Variants in CDH18 observed in about 807,000 individuals in gnomAD.
The protein encoded by CDH18 is cadherin-18.
In CDH18, 31 loss-of-function variants were observed where a neutral mutation model predicts 67.9. That is an observed-to-expected ratio of 0.46 (90% CI 0.34 to 0.62). The LOEUF is 0.62. Ranked by LOEUF, CDH18 falls within the 20% of genes least tolerant of loss-of-function variation. The pLI, the probability that CDH18 is intolerant of heterozygous loss-of-function variation, is 0.01. For missense variants in CDH18, 890 were observed against 975.5 expected (o/e 0.91, Z 1.17); for synonymous variants, 362 against 347.2 (o/e 1.04, Z -0.48).
At chr5:20,290,643 C>T (rs745860858) in intron 1 of CDH18, among the ~76,000 whole-genome samples, 5 of 152,062 alleles carry the variant, frequency 3.3e-5, no homozygotes, top group East Asian at 3.9e-4. Flanking sequence ...TCTGGTTGTA[C>T]GATATGATCC....
chr5:19,999,688 T>A (rs886606339), intron 2 of CDH18, among the ~76,000 whole-genome samples: 1 of 152,192 alleles, frequency 6.6e-6, no homozygotes, highest in Non-Finnish European at 1.5e-5. Flanking sequence ...CAGGACTAGC[T>A]ACATAATTGG....
Position 20,218,317 on chromosome 5 carries a change from C to T in CDH18, c.-518+37127G>A, listed in dbSNP as rs988510254. ...AAAATATTGAAATAATTTCAACTAT[C>T]TTCTTTCTCCACAATAGAATATAAC... On this transcript the variant is annotated intron_variant, in intron 2 of 14. Transcript: ENST00000507958. 1.1e-4 allele frequency among the ~76,000 whole-genome samples: 17 copies of T among 152,044 alleles called. No homozygotes were observed. The East Asian group carries it at 2.9e-3, about 26-fold the overall frequency.
intron 1 of CDH18, among the ~76,000 whole-genome samples, chr5:20,342,390 C>G (rs899263647): frequency 1.3e-5 from 2 of 152,130 alleles, no homozygotes; most frequent in Non-Finnish European, 2.9e-5. Context: ...AGGAGATAAA[C>G]CCTGTGCTCC....
intron 1 of CDH18, among the ~76,000 whole-genome samples, chr5:20,306,610 T>G (rs145791740): frequency 0.011 from 1,668 of 152,336 alleles, 14 homozygotes; most frequent in Non-Finnish European, 0.018. Context: ...AGCATTTTAT[T>G]AAATCAAATG....
At chr5:20,076,964 C>A (rs895068520) in intron 2 of CDH18, among the ~76,000 whole-genome samples, 4 of 152,130 alleles carry the variant, frequency 2.6e-5, no homozygotes, top group Non-Finnish European at 5.9e-5. Flanking sequence ...TTGTAAAAAT[C>A]AATTCCTCTG....
chr5:20,217,096 T>C (rs1339603923), intron 2 of CDH18, among the ~76,000 whole-genome samples: 1 of 151,786 alleles, frequency 6.6e-6, no homozygotes, highest in Non-Finnish European at 1.5e-5. Context: ...CAAACAAAGC[T>C]GAGGGATTTC....
intron 3 of CDH18, among the ~76,000 whole-genome samples, chr5:19,817,002 T>C (rs539338114): frequency 1.0e-3 from 152 of 151,902 alleles, no homozygotes; most frequent in Non-Finnish European, 1.2e-3. Context: ...GCACCTATTA[T>C]GTAAAGAATT....
intron 4 of CDH18, among the ~76,000 whole-genome samples, chr5:19,737,158 T>C (rs1352586736): frequency 3.3e-5 from 5 of 152,158 alleles, no homozygotes; most frequent in African/African-American, 9.7e-5. Context: ...TTTTTTTCTA[T>C]ATCCAATTGC....
chr5:20,342,345 A>T (rs1398110086), intron 1 of CDH18, among the ~76,000 whole-genome samples: 7 of 152,056 alleles, frequency 4.6e-5, no homozygotes, highest in African/African-American at 1.7e-4. Flanking sequence ...CCCCTACCTG[A>T]CCCATGCTGC....
At chr5:19,550,698 G>A (rs140627394) in intron 8 of CDH18, among the ~76,000 whole-genome samples, 3,860 of 130,526 alleles carry the variant, frequency 0.03, 123 homozygotes, top group East Asian at 0.11. Flanking sequence ...AGTCTTTGCT[G>A]TTGTGAATAG....
chr5:19,792,085 A>G (rs115988758), intron 3 of CDH18, among the ~76,000 whole-genome samples: 159 of 152,316 alleles, frequency 1.0e-3, no homozygotes, highest in African/African-American at 3.8e-3. Context: ...CAACTTGACT[A>G]GTCTAAGGAA....
intron 1 of CDH18, among the ~76,000 whole-genome samples, chr5:20,555,059 A>G (rs948677382): frequency 2.6e-5 from 4 of 152,108 alleles, no homozygotes; most frequent in African/African-American, 7.2e-5. Context: ...CGTAACCCCC[A>G]GTGTTTTGGC....
chr5:19,562,608 A>G (rs1739656422), intron 8 of CDH18, among the ~76,000 whole-genome samples: 1 of 151,706 alleles, frequency 6.6e-6, no homozygotes, highest in South Asian at 2.1e-4. Context: ...TTATGTTGCA[A>G]AAATATTTTA....
intron 1 of CDH18, among the ~76,000 whole-genome samples, chr5:20,326,541 T>TG (rs1329317847): frequency 1.3e-5 from 2 of 148,452 alleles, no homozygotes; most frequent in Admixed American, 6.7e-5. Context: ...TATTTACTTT[T>TG]TTTTTTTTTT....
chr5:20,570,822 T>C (rs919556218), intron 1 of CDH18, among the ~76,000 whole-genome samples: 1 of 152,152 alleles, frequency 6.6e-6, no homozygotes, highest in African/African-American at 2.4e-5. Context: ...TCTGACTTTA[T>C]AAAAACAACT....
At chr5:20,448,682 C>T (rs1049840753) in intron 1 of CDH18, among the ~76,000 whole-genome samples, 2 of 152,168 alleles carry the variant, frequency 1.3e-5, no homozygotes, top group Admixed American at 1.3e-4. Context: ...CTTATTTTTA[C>T]AGACACGCTT....
intron 3 of CDH18, among the ~76,000 whole-genome samples, chr5:19,804,563 C>T (rs1173858734): frequency 6.6e-6 from 1 of 152,172 alleles, no homozygotes; most frequent in Non-Finnish European, 1.5e-5. Context: ...CTGTTCTACT[C>T]TTCAGGTATA....
intron 2 of CDH18, among the ~76,000 whole-genome samples, chr5:19,977,579 T>C (rs1798615657): frequency 6.6e-6 from 1 of 152,158 alleles, no homozygotes; most frequent in South Asian, 2.1e-4. Flanking sequence ...TAGAATCCTA[T>C]GCTAAAGAGG....
At chr5:19,652,848 TAAACGTTTTCTTTAAATTTAG>T (rs1755779392) in intron 5 of CDH18, among the ~76,000 whole-genome samples, 2 of 152,164 alleles carry the variant, frequency 1.3e-5, no homozygotes, top group South Asian at 4.1e-4. Context: ...AGATTATAAA[TAAACGTTTTCTTTAAATTTAG>T]AAAAATGATG....
Sources: gnomAD v4.1 joint callset for allele counts (sites outside exome capture counted in the v4.1 genomes callset) on GRCh38, gnomAD v4.1.1 for gene constraint, MANE v1.5 for transcripts, NCBI Gene and HGNC (gene_info 2026-07-23, HGNC 2026-07-21) for gene names.